The following WWOX variants were observed in gnomAD, a reference collection of about 807,000 sequenced individuals.
WWOX encodes WW domain-containing oxidoreductase.
Under a neutral mutation model 46.2 loss-of-function variants are expected in WWOX, and 69 were observed. The ratio of observed to expected loss-of-function variants is 1.49; its 90% CI spans 1.23 to 1.82. WWOX has a LOEUF of 1.82. Among genes scored for constraint, WWOX ranks in the 40% most tolerant of loss-of-function variants. WWOX has a pLI of 0.00. For missense variants in WWOX, 919 were observed against 542.6 expected (o/e 1.69, Z -6.89); for synonymous variants, 359 against 202.6 (o/e 1.77, Z -6.56).
chr16:78,465,591 A>G (rs922199544), intron 8 of WWOX, among the ~76,000 whole-genome samples: 2 of 152,234 alleles, frequency 1.3e-5, no homozygotes, highest in East Asian at 3.9e-4. Context: ...TGGACCCATA[A>G]TCTCTGAATT....
chr16:79,021,666 C>G (rs754574618), intron 8 of WWOX, among the ~76,000 whole-genome samples: 1 of 152,178 alleles, frequency 6.6e-6, no homozygotes, highest in Non-Finnish European at 1.5e-5. Flanking sequence ...ACAGATGCTT[C>G]TCACACGATC....
chr16:79,201,365 A>G (rs1219659841), intron 8 of WWOX, among the ~76,000 whole-genome samples: 1 of 144,846 alleles, frequency 6.9e-6, no homozygotes, highest in Non-Finnish European at 1.5e-5. Context: ...TTTTTTTTAA[A>G]TGGGAAACTT....
intron 8 of WWOX, among the ~76,000 whole-genome samples, chr16:78,726,188 C>T (rs1489696121): frequency 2.0e-5 from 3 of 146,506 alleles, no homozygotes; most frequent in Non-Finnish European, 4.5e-5. Flanking sequence ...CTCTCTCTCT[C>T]TTTCCTTCCT....
intron 8 of WWOX, among the ~76,000 whole-genome samples, chr16:78,963,011 T>G (rs2046300367): frequency 4.6e-5 from 7 of 152,212 alleles, no homozygotes; most frequent in Admixed American, 4.6e-4. Context: ...ACCAACAGTT[T>G]GTATTATGAA....
At chr16:78,211,414 G>T (rs1486078933) in intron 5 of WWOX, among the ~76,000 whole-genome samples, 1 of 152,094 alleles carries the variant, frequency 6.6e-6, no homozygotes, top group African/African-American at 2.4e-5. Context: ...ATCTTGTCAG[G>T]TTCTTGGGGA....
At chr16:78,573,609 G>A (rs2044773707) in intron 8 of WWOX, among the ~76,000 whole-genome samples, 1 of 152,178 alleles carries the variant, frequency 6.6e-6, no homozygotes, top group African/African-American at 2.4e-5. Flanking sequence ...TTTGCCCAGT[G>A]TACTCTCTGT....
chr16:78,278,600 C>A lies in WWOX; in HGVS notation c.517-108260C>A, dbSNP rs8050128. On this transcript the variant is annotated intron_variant, in intron 5 of 8. Transcript: ENST00000566780. ...ACAACTGTCTTTTGTTTGTATCTTA[C>A]AGAAAACAAAATACCACCCTCCGCC... 0.45 allele frequency: 715,292 copies of A among 1,581,356 alleles called. 166,567 individuals are homozygous for A. The highest frequency in any genetic ancestry group is 0.53 in the Middle Eastern group (3,194 of 5,982).
chr16:78,207,052 A>G (rs530075514), intron 5 of WWOX, among the ~76,000 whole-genome samples: 1 of 152,326 alleles, frequency 6.6e-6, no homozygotes, highest in South Asian at 2.1e-4. Flanking sequence ...TAATTTTCCC[A>G]GGGCCAGAGG....
Position 78,854,465 on chromosome 16 carries a change from T to G in WWOX, c.1057-357143T>G, listed in dbSNP as rs2151183859. 1.3e-5 allele frequency among the ~76,000 whole-genome samples: 2 copies of G among 152,372 alleles called. 1 individual carries two copies. Among genetic ancestry groups the G allele is most frequent in the East Asian group, 3.9e-4 (2 of 5,194 alleles). On this transcript the variant is annotated intron_variant, in intron 8 of 8. Coordinates refer to ENST00000566780, the MANE Select transcript of WWOX (RefSeq NM_016373.4). ...AGTTAACATCAATAGCTTTCTAAAA[T>G]ATGTAGCCAGTTAATATTTTACTTC...
In WWOX at chr16:78,814,823, C is replaced by T. The variant is rs143915981; in HGVS notation, c.1056+382071C>T. Reference sequence around the variant, plus strand: ...AACTGTGGGCGTTGTCCCCACTAGTCCTGTCATCTGCCCTTGCAAAACCAC... The same window carrying T: ...AACTGTGGGCGTTGTCCCCACTAGTTCTGTCATCTGCCCTTGCAAAACCAC... On this transcript the variant is annotated intron_variant, in intron 8 of 8. Coordinates refer to ENST00000566780, the MANE Select transcript of WWOX (RefSeq NM_016373.4). Among the ~76,000 whole-genome samples, 511 of 152,308 alleles carry T rather than the reference C, an allele frequency of 3.4e-3. 3 individuals carry two copies. The highest frequency in any genetic ancestry group is 0.012 in the African/African-American group (493 of 41,570).
chr16:78,562,235 G>A (rs1014836957), intron 8 of WWOX, among the ~76,000 whole-genome samples: 3 of 152,172 alleles, frequency 2.0e-5, no homozygotes, highest in Admixed American at 6.5e-5. Flanking sequence ...AGAGCCTCGC[G>A]AGGTTTGGGA....
At position 78,382,246 on chromosome 16, in the gene WWOX, C is replaced by T. The variant is rs148686742; in HGVS notation, c.517-4614C>T. ...CGTTGCACCTTCTAGAAGCTAGGCA[C>T]AGCCACATGACTTTGTCAAGGAAAT... On this transcript the variant is annotated intron_variant, in intron 5 of 8. Coordinates refer to ENST00000566780, the MANE Select transcript of WWOX (RefSeq NM_016373.4). Among the ~76,000 whole-genome samples, 553 of 152,314 alleles carry T rather than the reference C, an allele frequency of 3.6e-3. 2 individuals are homozygous for T. Among genetic ancestry groups the T allele is most frequent in the African/African-American group, 0.013 (539 of 41,570 alleles).
intron 8 of WWOX, among the ~76,000 whole-genome samples, chr16:78,481,079 CA>C (rs1199338538): frequency 6.6e-6 from 1 of 152,176 alleles, no homozygotes; most frequent in Non-Finnish European, 1.5e-5. Context: ...TCTAAATTAG[CA>C]AAGAGAAATT....
chr16:78,247,435 C>T (rs1489110447), intron 5 of WWOX, among the ~76,000 whole-genome samples: 1 of 151,968 alleles, frequency 6.6e-6, no homozygotes, highest in South Asian at 2.1e-4. Flanking sequence ...CTCTGGGGAT[C>T]CCAGAGGACT....
intron 8 of WWOX, among the ~76,000 whole-genome samples, chr16:78,444,529 ATTCT>A (rs1005717416): frequency 1.4e-5 from 2 of 144,638 alleles, no homozygotes; most frequent in African/African-American, 5.5e-5. Context: ...ATGAGGAGCA[ATTCT>A]TTTTTTTTTT....
intron 8 of WWOX, among the ~76,000 whole-genome samples, chr16:78,541,042 A>G (rs1232212736): frequency 1.3e-5 from 2 of 152,196 alleles, no homozygotes; most frequent in East Asian, 1.9e-4. Flanking sequence ...GTGGGTAGAT[A>G]CAATTAATTT....
Position 78,315,180 on chromosome 16 carries a change from A to G in WWOX, c.517-71680A>G, listed in dbSNP as rs1001213778. 5.3e-5 allele frequency among the ~76,000 whole-genome samples: 8 copies of G among 152,218 alleles called. No homozygotes were observed. In the East Asian group the frequency reaches 1.3e-3, roughly 26 times the overall value. ...GTAAGAAAACTCTGAACGCGAGGCC[A>G]AAGTAGAATTTTCCCTGAAACAGCT... is the stretch of plus-strand genomic sequence containing the variant. On this transcript the variant is annotated intron_variant, in intron 5 of 8. Coordinates refer to ENST00000566780, the MANE Select transcript of WWOX (RefSeq NM_016373.4).
intron 8 of WWOX, among the ~76,000 whole-genome samples, chr16:78,874,773 C>G (rs751649628): frequency 8.7e-5 from 12 of 137,184 alleles, no homozygotes; most frequent in Non-Finnish European, 1.7e-4. Flanking sequence ...CTGTTCCAAG[C>G]ATAACCTCCT....
intron 8 of WWOX, among the ~76,000 whole-genome samples, chr16:79,086,603 A>C (rs191212373): frequency 7.3e-4 from 111 of 152,304 alleles, no homozygotes; most frequent in Non-Finnish European, 1.4e-3. Flanking sequence ...TGTCCTGGCC[A>C]GGTGCAGTGG....
Sources: gnomAD v4.1 joint callset for allele counts (sites outside exome capture counted in the v4.1 genomes callset) on GRCh38, gnomAD v4.1.1 for gene constraint, MANE v1.5 for transcripts, NCBI Gene and HGNC (gene_info 2026-07-23, HGNC 2026-07-21) for gene names.